Variants in ENAH observed in about 807,000 individuals in gnomAD.
ENAH encodes the protein protein enabled homolog.
Under a neutral mutation model 78.7 loss-of-function variants are expected in ENAH, and 23 were observed. That is an observed-to-expected ratio of 0.29 (90% CI 0.21 to 0.41). ENAH has a LOEUF of 0.41. ENAH is among the 10% of genes least tolerant of loss of function. ENAH has a pLI of 1.00. For missense variants in ENAH, 544 were observed against 691.0 expected (o/e 0.79, Z 2.39); for synonymous variants, 226 against 241.0 (o/e 0.94, Z 0.58).
In ENAH at chr1:225,530,725, C is replaced by T. The variant is rs571422739; in HGVS notation, c.350-87G>A. On this transcript the variant is annotated intron_variant, in intron 3 of 13. Coordinates refer to ENST00000366843, the MANE Select transcript of ENAH (RefSeq NM_018212.6). ...TAAAATCATGAGAATAACATAAAACCATCACATATTTACAAACGTGTCTTC... is the reference window on the plus strand; with the variant it reads ...TAAAATCATGAGAATAACATAAAACTATCACATATTTACAAACGTGTCTTC... 8.7e-6 allele frequency: 9 copies of T among 1,030,450 alleles called. No individual in the cohort carries two copies. The South Asian group carries it at 1.3e-4, about 14-fold the overall frequency. The allele number at this position is 1,030,450 out of a possible 1,614,324, so 63.8% of individuals were successfully genotyped here. A position where few individuals can be genotyped will look rare whatever the true frequency, so the allele number is the denominator to read the frequency against.
intron 1 of ENAH, among the ~76,000 whole-genome samples, chr1:225,607,516 A>C (rs966163356): frequency 1.6e-5 from 1 of 60,638 alleles, no homozygotes; most frequent in Non-Finnish European, 2.9e-5. Flanking sequence ...GGTGGGGGGC[A>C]AAAAAAAAAA....
intron 4 of ENAH, among the ~76,000 whole-genome samples, chr1:225,529,356 G>A (rs895772901): frequency 6.6e-6 from 1 of 152,042 alleles, no homozygotes; most frequent in African/African-American, 2.4e-5. Context: ...ACTTACATAG[G>A]TATCTGCTTG....
chr1:225,574,887 C>T (rs57482110), intron 1 of ENAH, among the ~76,000 whole-genome samples: 2 of 1,924 alleles, frequency 1.0e-3, no homozygotes, highest in African/African-American at 3.5e-3. Flanking sequence ...GGCGACAGAG[C>T]GAGACTCCGT....
intron 2 of ENAH, among the ~76,000 whole-genome samples, chr1:225,557,373 A>C (rs1490384163): frequency 6.6e-6 from 1 of 152,214 alleles, no homozygotes; most frequent in Non-Finnish European, 1.5e-5. Context: ...TCGGCAATGG[A>C]CAGCTTTATT....
At chr1:225,567,506 G>C in intron 1 of ENAH, 92 bp from the exon 2 acceptor site, 2 of 1,258,498 alleles carry the variant, frequency 1.6e-6, no homozygotes, top group South Asian at 3.0e-5. Context: ...GTCAGTCAAC[G>C]ATCAGTGCTG....
At chr1:225,501,133 T>C in intron 11 of ENAH, 63 bp from the exon 12 acceptor site, 1 of 1,281,040 alleles carries the variant, frequency 7.8e-7, no homozygotes, top group Non-Finnish European at 1.1e-6. Context: ...AGTTCATAAA[T>C]AATTGCAAAT....
intron 2 of ENAH, among the ~76,000 whole-genome samples, chr1:225,556,154 A>G (rs2096665751): frequency 6.6e-6 from 1 of 152,200 alleles, no homozygotes; most frequent in Non-Finnish European, 1.5e-5. Flanking sequence ...GGGCTATTAA[A>G]AATTGCGATG....
At chr1:225,531,864 CT>C (rs971427089) in intron 3 of ENAH, among the ~76,000 whole-genome samples, 1 of 151,994 alleles carries the variant, frequency 6.6e-6, no homozygotes, top group Admixed American at 6.6e-5. Context: ...TACCTACTAA[CT>C]TTTTTTCTCA....
chr1:225,599,897 T>C (rs2147991936), intron 1 of ENAH, among the ~76,000 whole-genome samples: 1 of 151,892 alleles, frequency 6.6e-6, no homozygotes, highest in African/African-American at 2.4e-5. Context: ...TAGGAATGGC[T>C]TGGCGCCCTC....
chr1:225,595,369 T>C (rs2096897574), intron 1 of ENAH, among the ~76,000 whole-genome samples: 1 of 151,584 alleles, frequency 6.6e-6, no homozygotes, highest in Non-Finnish European at 1.5e-5. Context: ...ATACAAAAGC[T>C]GAAGTTGGTA....
chr1:225,595,394 G>T (rs1406144766), intron 1 of ENAH, among the ~76,000 whole-genome samples: 1 of 151,846 alleles, frequency 6.6e-6, no homozygotes, highest in Non-Finnish European at 1.5e-5. Flanking sequence ...AATTTATCTT[G>T]ACAGGAGTAG....
Position 225,494,804 on chromosome 1 carries a change from ACAAG to A in ENAH, c.*2967_*2970del. 1 of 152,734 alleles carries A rather than the reference ACAAG, an allele frequency of 6.5e-6. No homozygotes were observed. The highest frequency in any genetic ancestry group is 1.5e-5 in the Non-Finnish European group (1 of 68,034). 9.5% of individuals were successfully genotyped at this position (152,734 alleles called of 1,614,324 possible). A position where few individuals can be genotyped will look rare whatever the true frequency, so the allele number is the denominator to read the frequency against. On this transcript the variant is annotated 3_prime_UTR_variant, in exon 14 of 14. Coordinates refer to ENST00000366843, the MANE Select transcript of ENAH (RefSeq NM_018212.6). Reference sequence around the variant, plus strand: ...TCAGAAGATTATCTAAGTGTCACAAACAAGCAACATATATATACTGCAATTTTAT... The same window carrying A: ...TCAGAAGATTATCTAAGTGTCACAAACAACATATATATACTGCAATTTTAT...
At chr1:225,532,535 G>A (rs2096543085) in intron 3 of ENAH, among the ~76,000 whole-genome samples, 1 of 151,880 alleles carries the variant, frequency 6.6e-6, no homozygotes, top group African/African-American at 2.4e-5. Context: ...AATATTAATG[G>A]ATTAAATTTG....
chr1:225,576,592 T>C (rs2096789385), intron 1 of ENAH, among the ~76,000 whole-genome samples: 1 of 152,114 alleles, frequency 6.6e-6, no homozygotes, highest in South Asian at 2.1e-4. Context: ...AAAAACAATA[T>C]AGAGTTCTCA....
chr1:225,628,764 G>T lies in ENAH; in HGVS notation c.5+23922C>A, dbSNP rs781648364. Among the ~76,000 whole-genome samples, 5 of 151,644 alleles carry T rather than the reference G, an allele frequency of 3.3e-5. No homozygotes were observed. In the South Asian group the frequency reaches 8.3e-4, roughly 25 times the overall value. ...CTCTACTAAAAATACAAAAATAGCC[G>T]GGCGTGGTGGTGCATGCCTGTAATC... is the stretch of plus-strand genomic sequence containing the variant. On this transcript the variant is annotated intron_variant, in intron 1 of 13. Transcript: ENST00000366843.
At chr1:225,596,446 T>A (rs992044176) in intron 1 of ENAH, among the ~76,000 whole-genome samples, 2 of 152,132 alleles carry the variant, frequency 1.3e-5, no homozygotes, top group Non-Finnish European at 1.5e-5. Flanking sequence ...TTCCTGAAAT[T>A]ACACCAGCCT....
chr1:225,545,376 A>G (rs567740847), intron 3 of ENAH, among the ~76,000 whole-genome samples: 2 of 152,182 alleles, frequency 1.3e-5, no homozygotes, highest in Non-Finnish European at 2.9e-5. Flanking sequence ...GGATCCACTT[A>G]TATTCCTAAC....
chr1:225,533,494 A>C (rs1302381994), intron 3 of ENAH, among the ~76,000 whole-genome samples: 1 of 152,162 alleles, frequency 6.6e-6, no homozygotes, highest in Non-Finnish European at 1.5e-5. Context: ...AGGGAAGAAC[A>C]ACCAAGGTTA....
chr1:225,532,260 G>A (rs945481837), intron 3 of ENAH, among the ~76,000 whole-genome samples: 4 of 152,080 alleles, frequency 2.6e-5, no homozygotes, highest in African/African-American at 9.7e-5. Context: ...GGGTAAATCT[G>A]AGGTAGCATG....
Sources: allele counts gnomAD v4.1 joint callset (sites outside exome capture counted in the v4.1 genomes callset), GRCh38; gene constraint gnomAD v4.1.1; transcripts MANE v1.5; gene names NCBI Gene and HGNC (gene_info 2026-07-23, HGNC 2026-07-21).